Variants in NEB observed in about 807,000 individuals in gnomAD.
NEB encodes nebulin, also known as nemaline myopathy type 2.
NEB carries 512 observed loss-of-function variants against 952.2 expected under a neutral mutation model. The observed-to-expected ratio is 0.54, with a 90% CI of 0.50 to 0.58. NEB has a LOEUF of 0.58. Among genes scored for constraint, NEB ranks in the 20% least tolerant of loss-of-function variants. The probability of loss-of-function intolerance (pLI) is 0.00; values close to 1 mark genes in which losing one functional copy is unlikely to be tolerated. For missense variants in NEB, 8,428 were observed against 9,231.1 expected, an observed-to-expected ratio of 0.91 and a Z score of 3.56; for synonymous variants, 2,900 against 3,149.8, an observed-to-expected ratio of 0.92 and a Z score of 2.66.
intron 134 of NEB, among the ~76,000 whole-genome samples, 168 bp downstream of exon 134, chr2:151,546,177 G>A (rs909448291): frequency 3.3e-5 from 5 of 152,110 alleles, no homozygotes; most frequent in Admixed American, 3.3e-4. Context: ...ACCTTTCATA[G>A]GAGGCACAGA....
In NEB at chr2:151,627,827, T is replaced by C. The variant is rs2098553194; in HGVS notation, c.9839A>G (p.Tyr3280Cys). ...ASRDVISDYKYKDGYRKQLGH... is the reference protein window; with the variant it reads ...ASRDVISDYKCKDGYRKQLGH... ...GAGCTGCTTGCGGTAACCATCTTTG[T>C]ATTTGTACTGAAATAAAGGTGGTCA... Residue 3280 changes from tyrosine to cysteine, a missense_variant, in exon 69 of 182, where the codon TAC becomes TGC. Tyr to Cys is a radical substitution (Grantham distance 194). Coordinates refer to ENST00000397345, the MANE Select transcript of NEB (RefSeq NM_001164508.2). The C allele has an allele frequency of 6.2e-7, 1 of 1,613,206 alleles. No homozygotes were observed.
intron 33 of NEB, 25 bp from the exon 34 acceptor site, chr2:151,677,796 T>C: frequency 6.2e-7 from 1 of 1,613,344 alleles, no homozygotes; most frequent in South Asian, 1.1e-5. Flanking sequence ...AAAAGAGGAG[T>C]GAGGGCCTAG....
intron 81 of NEB, 144 bp downstream of exon 81, chr2:151,609,664 AT>A (rs2097864050): frequency 1.7e-6 from 1 of 589,630 alleles, no homozygotes; most frequent in Admixed American, 3.2e-5. Context: ...TGGATTTTAT[AT>A]TAAACAATGT....
intron 55 of NEB, among the ~76,000 whole-genome samples, chr2:151,645,080 G>A (rs1278429409): frequency 5.3e-5 from 8 of 152,108 alleles, no homozygotes; most frequent in Non-Finnish European, 7.4e-5. Context: ...ATTATGTTAC[G>A]GGACCACCGT....
chr2:151,732,960 G>A (rs2099812499), intron 3 of NEB, among the ~76,000 whole-genome samples, 161 bp downstream of exon 3: 1 of 152,174 alleles, frequency 6.6e-6, no homozygotes, highest in Non-Finnish European at 1.5e-5. Context: ...CATAATTATA[G>A]TGAAACTGAA....
intron 45 of NEB, among the ~76,000 whole-genome samples, chr2:151,662,570 A>G (rs1199887482): frequency 1.3e-5 from 2 of 152,220 alleles, no homozygotes; most frequent in Non-Finnish European, 2.9e-5. Flanking sequence ...AATTAAAAAT[A>G]AGCAGAAATG....
rs762688885 is a variant in NEB, at chr2:151,640,526, C to T, written c.8514G>A (p.Lys2838=). ...CTGGGCTGCTGAACTTGGTCTTCCA[C>T]TTCTCAAAGTCCTTCTTGTACTCCC... ...SDREYKKDFE[K]WKTKFSSPVD... The change falls in exon 61 of 182, where the codon AAG becomes AAA. Residue 2838 remains lysine (K), a synonymous_variant. Coordinates refer to ENST00000397345, the MANE Select transcript of NEB (RefSeq NM_001164508.2). 21 of 1,613,830 alleles carry T rather than the reference C, an allele frequency of 1.3e-5. No individual in the cohort carries two copies. Among genetic ancestry groups the T allele is most frequent in the Non-Finnish European group, 1.5e-5 (18 of 1,179,880 alleles).
At chr2:151,655,772 C>T in intron 50 of NEB, 45 bp downstream of exon 50, 2 of 1,590,158 alleles carry the variant, frequency 1.3e-6, no homozygotes, top group Non-Finnish European at 1.7e-6. Context: ...GCCTGCTAGC[C>T]TTTCCTCACG....
chr2:151,567,857 G>A (rs990458381), intron 113 of NEB, among the ~76,000 whole-genome samples: 18 of 152,092 alleles, frequency 1.2e-4, no homozygotes, highest in Non-Finnish European at 2.6e-4. Context: ...AAAAGCCAAG[G>A]GGGGTGGTGG....
In NEB at chr2:151,506,910, G is replaced by A. The variant is rs200454939; in HGVS notation, c.23555C>T (p.Ser7852Leu). 39 of 1,583,750 alleles carry A rather than the reference G, an allele frequency of 2.5e-5. No homozygotes were observed. The highest frequency in any genetic ancestry group is 1.1e-4 in the African/African-American group (8 of 74,214). The change falls in exon 163 of 182, where the codon TCG becomes TTG. Residue 7852 changes from serine to leucine, a missense_variant and splice_region_variant. Physicochemically the swap from Ser to Leu is moderately radical, Grantham distance 145. Transcript: ENST00000397345. ...ATGCAAAATAAATAGTAAATATACCGAGCTGAAATTCTTCTGATTTTCTTT... is the reference window on the plus strand; with the variant it reads ...ATGCAAAATAAATAGTAAATATACCAAGCTGAAATTCTTCTGATTTTCTTT... The part of the protein sequence containing the change: ...RVKENQKNFS[S>L]VLYKEDVSPG...
At position 151,563,607 on chromosome 2, in the gene NEB, G is replaced by C. The variant is rs375357016; in HGVS notation, c.18692C>G (p.Ala6231Gly). The C allele has an allele frequency of 6.2e-7, 1 of 1,611,152 alleles. No homozygotes were observed. The highest frequency in any genetic ancestry group is 8.5e-7 in the Non-Finnish European group (1 of 1,177,478). ...GTGTTAAAGTGGACATTTACTTACC[G>C]CACTCCTCATCTTTTGGAAATCCAG... is the stretch of plus-strand genomic sequence containing the variant. ...HCLDFQKMRS[A>G]LNYRKHYEDT... The change falls in exon 119 of 182, where the codon GCG becomes GGG. Residue 6231 changes from alanine (A) to glycine (G), a missense_variant and splice_region_variant. Physicochemically the swap from Ala to Gly is moderately conservative, Grantham distance 60. This residue lies in a region of NEB where 3,374 missense variants were observed against 3,651.5 expected (regional missense o/e 0.92). Coordinates refer to ENST00000397345, the MANE Select transcript of NEB (RefSeq NM_001164508.2).
intron 49 of NEB, 54 bp from the exon 50 acceptor site, chr2:151,656,077 A>C: frequency 6.3e-7 from 1 of 1,591,564 alleles, no homozygotes; most frequent in Non-Finnish European, 8.6e-7. Context: ...GACACAAACC[A>C]TGGCATGTAA....
In NEB at chr2:151,646,227, T is replaced by C. The variant is rs2098955166; in HGVS notation, c.7439A>G (p.Tyr2480Cys). 2 of 1,579,164 alleles carry C rather than the reference T, an allele frequency of 1.3e-6. No individual in the cohort carries two copies. Among genetic ancestry groups the C allele is most frequent in the Non-Finnish European group, 1.7e-6 (2 of 1,159,354 alleles). Reference sequence around the variant, plus strand: ...CTTGTCTTTGTCCCAAGCTTCTCTATAAAGTCTCTAAAATAAGAAATAATA... The same window carrying C: ...CTTGTCTTTGTCCCAAGCTTCTCTACAAAGTCTCTAAAATAAGAAATAATA... ...TNAKNRSDRL[Y>C]REAWDKDKTQ... Residue 2480 changes from tyrosine (Y) to cysteine (C), a missense_variant, in exon 55 of 182, where the codon TAT becomes TGT. Tyr to Cys is a radical substitution (Grantham distance 194). Transcript: ENST00000397345.
At chr2:151,634,964 T>C (rs2098728687) in intron 64 of NEB, among the ~76,000 whole-genome samples, 1 of 152,090 alleles carries the variant, frequency 6.6e-6, no homozygotes, top group Non-Finnish European at 1.5e-5. Flanking sequence ...ATGCTTCTAG[T>C]CTCAAAGACA....
rs756046096 is a variant in NEB at position 151,568,324 on chromosome 2, G to A, written c.17728C>T (p.Leu5910=). ...LHTAQEAARI[L]DQYLYKEGWE... ...GTGGGTGAAACCCATACCTGGTCCA[G>A]TATCCTAGCAGCCTCCTGGGCAGTG... The change falls in exon 112 of 182, where the codon CTG becomes TTG. Residue 5910 remains leucine, a synonymous_variant. Transcript: ENST00000397345. 33 of 1,613,230 alleles carry A rather than the reference G, an allele frequency of 2.0e-5. No homozygotes were observed. The highest frequency in any genetic ancestry group is 2.8e-5 in the Non-Finnish European group (33 of 1,179,636).
chr2:151,568,130 A>G lies in NEB; in HGVS notation c.17785T>C (p.Leu5929=). Residue 5929 remains leucine (L), a synonymous_variant, in exon 113 of 182, where the codon TTG becomes CTG. Transcript: ENST00000397345. ...WERQKATGYI[L]PPDAVPFVHA... The stretch of plus-strand genomic sequence containing the variant: ...ACAAATGGCACAGCATCTGGAGGCA[A>G]AATGTAACCTGTGGCTTTTTGTCTC... The G allele has an allele frequency of 1.9e-6, 3 of 1,613,746 alleles. No individual in the cohort carries two copies. In the East Asian group the frequency reaches 6.7e-5, roughly 36 times the overall value.
At position 151,559,643 on chromosome 2, in the gene NEB, A is replaced by G. The variant is rs1040085152; in HGVS notation, c.19314+949T>C. ...AGATGAGTTCATGTCCTTTGCAGGGACATGGATGAAGTTTTAAACCATCAT... is the reference window on the plus strand; with the variant it reads ...AGATGAGTTCATGTCCTTTGCAGGGGCATGGATGAAGTTTTAAACCATCAT... On this transcript the variant is annotated intron_variant, in intron 124 of 181. Coordinates refer to ENST00000397345, the MANE Select transcript of NEB (RefSeq NM_001164508.2). Among the ~76,000 whole-genome samples, 22 of 152,324 alleles carry G rather than the reference A, an allele frequency of 1.4e-4. 1 individual carries two copies. The South Asian group carries it at 2.1e-3, about 14-fold the overall frequency.
Position 151,509,699 on chromosome 2 carries a change from C to A in NEB, c.23347-1590G>T, listed in dbSNP as rs529959049. On this transcript the variant is annotated intron_variant, in intron 161 of 181. Coordinates refer to ENST00000397345, the MANE Select transcript of NEB (RefSeq NM_001164508.2). ...CTAGAGTCCAGTGACGTGATCTTGG[C>A]TCACTGCAACCTCTGACTCCCTGGT... is the stretch of plus-strand genomic sequence containing the variant. Among the ~76,000 whole-genome samples, 58 of 152,224 alleles carry A rather than the reference C, an allele frequency of 3.8e-4. 1 individual carries two copies. The highest frequency in any genetic ancestry group is 1.3e-3 in the African/African-American group (56 of 41,536).
chr2:151,497,536 TA>T, intron 171 of NEB, 89 bp downstream of exon 171: 4 of 1,503,892 alleles, frequency 2.7e-6, no homozygotes, highest in Non-Finnish European at 3.5e-6. Context: ...AAGTTGTCTT[TA>T]AAAAGTAGGA....
Sources: allele counts gnomAD v4.1 joint callset (sites outside exome capture counted in the v4.1 genomes callset), GRCh38; gene constraint gnomAD v4.1.1; regional missense constraint gnomAD v4.1.1; transcripts MANE v1.5; gene names NCBI Gene and HGNC (gene_info 2026-07-23, HGNC 2026-07-21).